HTR4: variants seen among roughly 807,000 people sequenced by gnomAD.
HTR4 encodes 5-hydroxytryptamine receptor 4.
A neutral mutation model predicts 36.8 loss-of-function variants in HTR4; 16 were observed. That is an observed-to-expected ratio of 0.43 (90% CI 0.29 to 0.66). HTR4 has a LOEUF of 0.66. Ranked by LOEUF, HTR4 falls within the 30% of genes least tolerant of loss-of-function variation. The pLI, the probability that HTR4 is intolerant of heterozygous loss-of-function variation, is 0.13. For missense variants in HTR4, 438 were observed against 490.9 expected, an observed-to-expected ratio of 0.89 and a Z score of 1.02; for synonymous variants, 189 against 185.1, an observed-to-expected ratio of 1.02 and a Z score of -0.17.
chr5:148,640,214 A>G (rs889074193), intron 1 of HTR4, among the ~76,000 whole-genome samples: 3 of 152,192 alleles, frequency 2.0e-5, no homozygotes, highest in African/African-American at 7.2e-5. Flanking sequence ...ATGAAAGTGA[A>G]CATCCACTAT....
intron 2 of HTR4, among the ~76,000 whole-genome samples, chr5:148,576,118 A>AAAAAAAAAC (rs1760895747): frequency 7.3e-6 from 1 of 137,878 alleles, no homozygotes; most frequent in Non-Finnish European, 1.6e-5. Flanking sequence ...CTCAAAAAAA[A>AAAAAAAAAC]AAAAAAAAAA....
chr5:148,644,265 G>A (rs542060860), intron 1 of HTR4, among the ~76,000 whole-genome samples: 7 of 152,064 alleles, frequency 4.6e-5, no homozygotes, highest in South Asian at 2.1e-4. Flanking sequence ...TCATCAGGTC[G>A]TATGTTAAAA....
chr5:148,529,659 TG>T (rs1301009686), intron 4 of HTR4, among the ~76,000 whole-genome samples: 2 of 152,316 alleles, frequency 1.3e-5, no homozygotes, highest in African/African-American at 4.8e-5. Flanking sequence ...AGTGGGGTGC[TG>T]ATGAAAAGAT....
intron 5 of HTR4, among the ~76,000 whole-genome samples, chr5:148,459,019 C>A (rs1347763008): frequency 1.3e-5 from 2 of 152,136 alleles, no homozygotes; most frequent in African/African-American, 4.8e-5. Flanking sequence ...TCTCGCATTT[C>A]TGGAGCTTAG....
chr5:148,478,696 C>T (rs1199538208), downstream of HTR4, among the ~76,000 whole-genome samples: 1 of 151,912 alleles, frequency 6.6e-6, no homozygotes, highest in African/African-American at 2.4e-5. Flanking sequence ...CTACCTATTC[C>T]CCGTCCTGCT....
intron 2 of HTR4, among the ~76,000 whole-genome samples, chr5:148,588,268 A>G (rs576834351): frequency 6.6e-6 from 1 of 152,218 alleles, no homozygotes; most frequent in South Asian, 2.1e-4. Context: ...AATTTTTAAA[A>G]CAATTTCTAA....
At chr5:148,568,501 A>C (rs1376717123) in intron 2 of HTR4, among the ~76,000 whole-genome samples, 2 of 152,184 alleles carry the variant, frequency 1.3e-5, no homozygotes, top group South Asian at 4.1e-4. Context: ...CTCATAGAGC[A>C]AGTGGTAATG....
intron 2 of HTR4, among the ~76,000 whole-genome samples, chr5:148,554,224 T>A (rs1759827972): frequency 6.6e-6 from 1 of 152,178 alleles, no homozygotes; most frequent in Non-Finnish European, 1.5e-5. Flanking sequence ...TACAGGAATA[T>A]GCCACCATGC....
At chr5:148,605,232 T>C (rs1053462841) in intron 2 of HTR4, among the ~76,000 whole-genome samples, 76 of 150,096 alleles carry the variant, frequency 5.1e-4, no homozygotes, top group African/African-American at 1.7e-3. Flanking sequence ...TTACCACAGA[T>C]TGCATTTTCT....
intron 4 of HTR4, among the ~76,000 whole-genome samples, chr5:148,538,699 A>G (rs1758953196): frequency 3.3e-5 from 5 of 152,188 alleles, no homozygotes. Context: ...TGAGAATTAC[A>G]AAACACTGAT....
At chr5:148,548,276 G>A (rs1025308164) in intron 4 of HTR4, among the ~76,000 whole-genome samples, 1 of 152,100 alleles carries the variant, frequency 6.6e-6, no homozygotes, top group Non-Finnish European at 1.5e-5. Flanking sequence ...CAAACATAGG[G>A]CATTTTCATT....
intron 5 of HTR4, among the ~76,000 whole-genome samples, chr5:148,453,753 A>T (rs1755031065): frequency 6.6e-6 from 1 of 152,204 alleles, no homozygotes; most frequent in South Asian, 2.1e-4. Flanking sequence ...GTCTGAGCAG[A>T]GCACCAACAT....
At chr5:148,575,991 T>C (rs1172388244) in intron 2 of HTR4, among the ~76,000 whole-genome samples, 2 of 150,946 alleles carry the variant, frequency 1.3e-5, no homozygotes, top group African/African-American at 4.9e-5. Context: ...AACCCCACAG[T>C]CTCAGCCCAA....
chr5:148,469,538 T>C (rs895685977), intron 5 of HTR4, among the ~76,000 whole-genome samples: 1 of 152,256 alleles, frequency 6.6e-6, no homozygotes, highest in African/African-American at 2.4e-5. Flanking sequence ...GTCTGAGTCC[T>C]GGCACATTCT....
chr5:148,469,697 C>G (rs1484435655), intron 5 of HTR4, among the ~76,000 whole-genome samples: 1 of 152,230 alleles, frequency 6.6e-6, no homozygotes, highest in Non-Finnish European at 1.5e-5. Context: ...ATTATCCCAG[C>G]TTCCTGTCTG....
At chr5:148,637,706 C>G (rs566020517) in intron 1 of HTR4, among the ~76,000 whole-genome samples, 1 of 152,144 alleles carries the variant, frequency 6.6e-6, no homozygotes. Flanking sequence ...TATCACAGAC[C>G]CTCAGAAGAC....
At chr5:148,635,874 T>C (rs1753514617) in intron 2 of HTR4, among the ~76,000 whole-genome samples, 1 of 152,172 alleles carries the variant, frequency 6.6e-6, no homozygotes. Context: ...ACCAAGTCAG[T>C]ACATCTGGGA....
chr5:148,522,744 G>A (rs1758081365), intron 5 of HTR4, among the ~76,000 whole-genome samples: 1 of 152,116 alleles, frequency 6.6e-6, no homozygotes, highest in Non-Finnish European at 1.5e-5. Flanking sequence ...TTAGTGGATG[G>A]AAAATTACCA....
chr5:148,509,804 G>T lies in HTR4; in HGVS notation c.728C>A (p.Ala243Glu), dbSNP rs1396632539. The T allele has an allele frequency of 6.2e-7, 1 of 1,613,860 alleles. No individual in the cohort carries two copies. The highest frequency in any genetic ancestry group is 8.5e-7 in the Non-Finnish European group (1 of 1,179,996). ...CATGCGATGAGTGCTATGCTGGTCT[G>T]CCGACTGAGGCCTGCTCTCGGAGGA... ...GASSESRPQS[A>E]DQHSTHRMRT... is the part of the protein sequence containing the mutation. Residue 243 changes from alanine to glutamate, a missense_variant, in exon 6 of 7, where the codon GCA becomes GAA. Transcript: ENST00000377888.
Sources: allele counts gnomAD v4.1 joint callset (sites outside exome capture counted in the v4.1 genomes callset), GRCh38; gene constraint gnomAD v4.1.1; transcripts MANE v1.5; gene names NCBI Gene and HGNC (gene_info 2026-07-23, HGNC 2026-07-21).